Variants in FSTL5 observed in about 807,000 individuals in gnomAD.
FSTL5 encodes follistatin like 5, also known as follistatin-related protein 5.
FSTL5 carries 62 observed loss-of-function variants against 89.1 expected under a neutral mutation model. The ratio of observed to expected loss-of-function variants is 0.70; its 90% CI spans 0.57 to 0.86. FSTL5 has a LOEUF of 0.86. Ranked by LOEUF, FSTL5 falls within the 40% of genes least tolerant of loss-of-function variation. FSTL5 has a pLI of 0.00. For synonymous variants in FSTL5, 383 were observed against 346.2 expected (o/e 1.11, Z -1.18); for missense variants, 1,057 against 1,001.6 (o/e 1.06, Z -0.75).
At chr4:161,783,256 C>A (rs1178977912) in intron 4 of FSTL5, among the ~76,000 whole-genome samples, 1 of 152,186 alleles carries the variant, frequency 6.6e-6, no homozygotes, top group East Asian at 1.9e-4. Flanking sequence ...AAATCATTAT[C>A]CTTAGAGTAA....
intron 15 of FSTL5, among the ~76,000 whole-genome samples, chr4:161,449,817 C>T (rs1218596129): frequency 6.6e-6 from 1 of 152,022 alleles, no homozygotes; most frequent in East Asian, 1.9e-4. Flanking sequence ...AGGATTTCTA[C>T]TTATAACACC....
intron 3 of FSTL5, among the ~76,000 whole-genome samples, chr4:161,934,639 G>T (rs1170259338): frequency 6.6e-5 from 10 of 150,432 alleles, no homozygotes; most frequent in African/African-American, 2.2e-4. Flanking sequence ...CTTTCTTTTT[G>T]CTTTAATTTT....
At chr4:161,715,436 T>C (rs1738941118) in intron 6 of FSTL5, among the ~76,000 whole-genome samples, 1 of 152,108 alleles carries the variant, frequency 6.6e-6, no homozygotes, top group Non-Finnish European at 1.5e-5. Flanking sequence ...TTGTTTCCAG[T>C]CTCTGTGATC....
At chr4:161,454,494 A>C (rs1733280077) in intron 15 of FSTL5, among the ~76,000 whole-genome samples, 1 of 152,192 alleles carries the variant, frequency 6.6e-6, no homozygotes, top group Non-Finnish European at 1.5e-5. Flanking sequence ...GAAACATTTC[A>C]TTTCAACTTC....
chr4:161,903,799 A>T (rs1249859191), intron 4 of FSTL5, among the ~76,000 whole-genome samples: 1 of 151,786 alleles, frequency 6.6e-6, no homozygotes, highest in African/African-American at 2.4e-5. Flanking sequence ...AAAGCATAAG[A>T]TGCCTAGATC....
chr4:161,430,402 A>G (rs992039311), intron 15 of FSTL5, among the ~76,000 whole-genome samples: 4 of 152,180 alleles, frequency 2.6e-5, no homozygotes, highest in Non-Finnish European at 5.9e-5. Context: ...GTTATAGAAC[A>G]CCAAGCAGAT....
intron 6 of FSTL5, among the ~76,000 whole-genome samples, chr4:161,754,045 T>TTAAAA (rs372126953): frequency 7.1e-4 from 60 of 85,064 alleles, no homozygotes; most frequent in Non-Finnish European, 1.1e-3. Flanking sequence ...CCGTCTCAAT[T>TTAAAA]AAAAAAAAAA....
At chr4:161,713,440 C>T (rs1393866992) in intron 6 of FSTL5, among the ~76,000 whole-genome samples, 2 of 152,136 alleles carry the variant, frequency 1.3e-5, no homozygotes. Flanking sequence ...TGTTTTCCTA[C>T]TGTGTGACTT....
chr4:161,919,651 C>T (rs750688579), intron 4 of FSTL5, among the ~76,000 whole-genome samples: 9 of 152,124 alleles, frequency 5.9e-5, no homozygotes, highest in African/African-American at 2.2e-4. Context: ...AAGTTCTACA[C>T]ATTTAACTCT....
chr4:161,632,348 C>G (rs190541712), intron 7 of FSTL5, among the ~76,000 whole-genome samples: 1 of 152,030 alleles, frequency 6.6e-6, no homozygotes, highest in African/African-American at 2.4e-5. Context: ...CCACTGTGTT[C>G]GAGCCCTGGC....
intron 2 of FSTL5, among the ~76,000 whole-genome samples, chr4:162,050,502 TTAA>T (rs1198030049): frequency 6.7e-6 from 1 of 149,990 alleles, no homozygotes; most frequent in Non-Finnish European, 1.5e-5. Flanking sequence ...TTTAAATAAT[TTAA>T]TAATAATTTA....
At chr4:161,402,924 C>T (rs1731231521) in intron 15 of FSTL5, among the ~76,000 whole-genome samples, 1 of 151,818 alleles carries the variant, frequency 6.6e-6, no homozygotes, top group Non-Finnish European at 1.5e-5. Context: ...CAGGTTCACG[C>T]TATTCTCCTG....
intron 2 of FSTL5, among the ~76,000 whole-genome samples, chr4:162,050,862 A>G (rs1445702691): frequency 6.6e-6 from 1 of 151,490 alleles, no homozygotes; most frequent in Non-Finnish European, 1.5e-5. Flanking sequence ...ATATTTGTAG[A>G]TTAACTAGAA....
rs578235542 is a variant in FSTL5 at position 161,488,923 on chromosome 4, C to T, written c.1459-7754G>A. Among the ~76,000 whole-genome samples the T allele has an allele frequency of 5.1e-4, 77 of 152,136 alleles. 1 individual carries two copies. The highest frequency in any genetic ancestry group is 7.7e-4 in the Non-Finnish European group (52 of 67,970). On this transcript the variant is annotated intron_variant, in intron 12 of 15. Transcript: ENST00000306100. ...GGAGAATTTTATTCTCTCTATCTGG[C>T]GTTTGGCAGTCCCGTGACTGAGCAA...
intron 1 of FSTL5, among the ~76,000 whole-genome samples, chr4:162,138,229 G>T (rs930566038): frequency 2.0e-5 from 3 of 152,114 alleles, no homozygotes; most frequent in African/African-American, 7.2e-5. Context: ...GCTCTATTCT[G>T]AATTTGAAGC....
Position 161,870,351 on chromosome 4 carries a change from C to T in FSTL5, c.409+50053G>A, listed in dbSNP as rs76118485. ...TATTATTTGTTCAATCATACACACA[C>T]ACACACGTACACACACACACAAAGA... is the stretch of plus-strand genomic sequence containing the variant. On this transcript the variant is annotated intron_variant, in intron 4 of 15. Coordinates refer to ENST00000306100, the MANE Select transcript of FSTL5 (RefSeq NM_020116.5). 7.7e-3 allele frequency among the ~76,000 whole-genome samples: 1,171 copies of T among 151,686 alleles called. 16 individuals are homozygous for T. The highest frequency in any genetic ancestry group is 0.026 in the African/African-American group (1,080 of 41,468).
chr4:161,967,569 G>C (rs1042622468), intron 3 of FSTL5, among the ~76,000 whole-genome samples: 3 of 151,846 alleles, frequency 2.0e-5, no homozygotes, highest in Non-Finnish European at 2.9e-5. Context: ...AACTTTGTAA[G>C]TTGTTGATTT....
chr4:161,975,716 C>T lies in FSTL5; in HGVS notation c.161-55064G>A, dbSNP rs904834883. Among the ~76,000 whole-genome samples, 119 of 147,828 alleles carry T rather than the reference C, an allele frequency of 8.0e-4. 1 individual carries two copies. The highest frequency in any genetic ancestry group is 2.9e-3 in the African/African-American group (117 of 39,900). On this transcript the variant is annotated intron_variant, in intron 3 of 15. Coordinates refer to ENST00000306100, the MANE Select transcript of FSTL5 (RefSeq NM_020116.5). ...CATGTATACATATGTAACTAACCTG[C>T]ACAATGTGCACATGTACCCTAAAAC... is the stretch of plus-strand genomic sequence containing the variant.
rs190940270 is a variant in FSTL5 at position 161,946,653 on chromosome 4, A to G, written c.161-26001T>C. ...CTGCTTACCCATTCTCCTGTTAACA[A>G]TTACTTCAGTTGTTTACTGCATGGG... On this transcript the variant is annotated intron_variant, in intron 3 of 15. Transcript: ENST00000306100. Among the ~76,000 whole-genome samples the G allele has an allele frequency of 1.4e-3, 209 of 152,262 alleles. No homozygotes were observed. In the South Asian group the frequency reaches 0.017, roughly 12 times the overall value.
Sources: allele counts gnomAD v4.1 joint callset (sites outside exome capture counted in the v4.1 genomes callset), GRCh38; gene constraint gnomAD v4.1.1; transcripts MANE v1.5; gene names NCBI Gene and HGNC (gene_info 2026-07-23, HGNC 2026-07-21).